SPAG16: variants seen among roughly 807,000 people sequenced by gnomAD.
SPAG16 encodes the protein sperm-associated antigen 16 protein.
Under a neutral mutation model 80.4 loss-of-function variants are expected in SPAG16, and 86 were observed. The ratio of observed to expected loss-of-function variants is 1.07; its 90% CI spans 0.90 to 1.28. The LOEUF (loss-of-function observed/expected upper bound fraction) is 1.28, where lower values mean the gene tolerates loss of function less well. Among genes scored for constraint, SPAG16 ranks in the 50% most tolerant of loss-of-function variants. SPAG16 has a pLI of 0.00. For missense variants in SPAG16, 870 were observed against 765.3 expected, an observed-to-expected ratio of 1.14 and a Z score of -1.61; for synonymous variants, 294 against 265.9, an observed-to-expected ratio of 1.11 and a Z score of -1.03.
At chr2:214,334,682 TA>T (rs1697156381) in intron 15 of SPAG16, among the ~76,000 whole-genome samples, 1 of 152,244 alleles carries the variant, frequency 6.6e-6, no homozygotes. Flanking sequence ...AGAGTCCTTC[TA>T]ATGGCTATTT....
chr2:214,175,355 G>T (rs1385628790), intron 15 of SPAG16, among the ~76,000 whole-genome samples: 1 of 147,830 alleles, frequency 6.8e-6, no homozygotes, highest in Non-Finnish European at 1.5e-5. Context: ...ATGAATCAGA[G>T]AAATTCTGTG....
intron 10 of SPAG16, among the ~76,000 whole-genome samples, chr2:213,735,247 C>G (rs2067231418): frequency 6.6e-6 from 1 of 152,114 alleles, no homozygotes; most frequent in South Asian, 2.1e-4. Context: ...GGTTAGTATT[C>G]TGGAGCAACT....
At chr2:213,470,107 A>G (rs1345512774) in intron 9 of SPAG16, among the ~76,000 whole-genome samples, 2 of 152,182 alleles carry the variant, frequency 1.3e-5, no homozygotes, top group Non-Finnish European at 2.9e-5. Context: ...ACAGTACCAT[A>G]TATTGGATGC....
In SPAG16 at chr2:213,637,037, T is replaced by C. The variant is rs188354148; in HGVS notation, c.1070+146947T>C. On this transcript the variant is annotated intron_variant, in intron 10 of 15. Transcript: ENST00000331683. Reference sequence around the variant, plus strand: ...GGGCATCCTTGTCATGTTCCAGTTCTCAGGGGGAATGCTTTCAACATTTCC... The same window carrying C: ...GGGCATCCTTGTCATGTTCCAGTTCCCAGGGGGAATGCTTTCAACATTTCC... 6.3e-3 allele frequency among the ~76,000 whole-genome samples: 958 copies of C among 152,340 alleles called. 10 individuals are homozygous for C. Among genetic ancestry groups the C allele is most frequent in the Non-Finnish European group, 7.9e-3 (538 of 68,032 alleles).
At chr2:213,881,204 T>C (rs1489529524) in intron 11 of SPAG16, among the ~76,000 whole-genome samples, 1 of 152,196 alleles carries the variant, frequency 6.6e-6, no homozygotes. Flanking sequence ...TTTTCCTAAG[T>C]ATTTCATTTT....
chr2:214,256,141 C>T (rs1169833593), intron 15 of SPAG16, among the ~76,000 whole-genome samples: 1 of 151,934 alleles, frequency 6.6e-6, no homozygotes, highest in Non-Finnish European at 1.5e-5. Context: ...TTTAGCTATT[C>T]TGGAGTGTGA....
At chr2:213,487,465 C>T (rs750181617) in intron 9 of SPAG16, among the ~76,000 whole-genome samples, 2 of 152,004 alleles carry the variant, frequency 1.3e-5, no homozygotes, top group African/African-American at 4.8e-5. Flanking sequence ...TCCTGCCTAC[C>T]CATGTATTGG....
rs974422016 is a variant in SPAG16, at chr2:213,346,708, C to T, written c.645-3820C>T. 3.9e-4 allele frequency among the ~76,000 whole-genome samples: 60 copies of T among 152,284 alleles called. No homozygotes were observed. The East Asian group carries it at 5.8e-3, about 15-fold the overall frequency. ...TATTGATTTGCATATGTTGAACCAG[C>T]CTTGCATCCCAGGGATGAAGCCCAC... On this transcript the variant is annotated intron_variant, in intron 6 of 15. Transcript: ENST00000331683.
intron 15 of SPAG16, among the ~76,000 whole-genome samples, chr2:214,340,093 C>A (rs1272689630): frequency 6.6e-6 from 1 of 152,114 alleles, no homozygotes; most frequent in Admixed American, 6.5e-5. Flanking sequence ...ATTCTACATG[C>A]AAGGGAGGGA....
intron 5 of SPAG16, chr2:213,318,103 C>T (rs1365560381): frequency 6.6e-6 from 1 of 151,978 alleles, no homozygotes; most frequent in Non-Finnish European, 1.5e-5. Flanking sequence ...AATAGCTGTT[C>T]TGACTGGTGT....
At chr2:213,618,927 A>G (rs1024681358) in intron 10 of SPAG16, among the ~76,000 whole-genome samples, 17 of 152,268 alleles carry the variant, frequency 1.1e-4, no homozygotes, top group African/African-American at 4.1e-4. Flanking sequence ...TCTCTTAATA[A>G]CTAGTTATAC....
intron 14 of SPAG16, among the ~76,000 whole-genome samples, chr2:214,110,290 GC>G (rs1417788213): frequency 7.2e-6 from 1 of 139,322 alleles, no homozygotes; most frequent in Non-Finnish European, 1.5e-5. Flanking sequence ...CCCTCCCCCA[GC>G]CCCCACCCCT....
In SPAG16 at chr2:213,478,464, ATTT is replaced by A. The variant is rs2073551730; in HGVS notation, c.943-11496_943-11494del. ...CTGTAATGTCATAAATAGGAGTACT[ATTT>A]TTGTACTAATAGAAAATTTTTAAGT... is the stretch of plus-strand genomic sequence containing the variant. On this transcript the variant is annotated intron_variant, in intron 9 of 15. Coordinates refer to ENST00000331683, the MANE Select transcript of SPAG16 (RefSeq NM_024532.5). Among the ~76,000 whole-genome samples the A allele has an allele frequency of 2.0e-5, 3 of 152,290 alleles. No homozygotes were observed. In the South Asian group the frequency reaches 6.2e-4, roughly 32 times the overall value.
At chr2:213,495,688 A>T (rs1243220949) in intron 10 of SPAG16, among the ~76,000 whole-genome samples, 2 of 152,174 alleles carry the variant, frequency 1.3e-5, no homozygotes, top group African/African-American at 4.8e-5. Context: ...GTGTAGGATG[A>T]ATTCAGTTTT....
At chr2:213,779,279 T>C (rs1312566783) in intron 10 of SPAG16, among the ~76,000 whole-genome samples, 1 of 152,220 alleles carries the variant, frequency 6.6e-6, no homozygotes, top group Non-Finnish European at 1.5e-5. Context: ...ACAGTAGTAG[T>C]ATAATCAAAC....
intron 15 of SPAG16, among the ~76,000 whole-genome samples, chr2:214,381,584 G>C (rs1028402412): frequency 4.6e-5 from 7 of 152,178 alleles, no homozygotes; most frequent in Non-Finnish European, 8.8e-5. Flanking sequence ...CTGCAAAATT[G>C]TTGATGCATT....
intron 10 of SPAG16, among the ~76,000 whole-genome samples, chr2:213,583,803 A>T (rs1054329757): frequency 1.3e-5 from 2 of 152,194 alleles, no homozygotes; most frequent in Non-Finnish European, 2.9e-5. Context: ...AATGAAAGAC[A>T]ATTTTGTTGG....
At chr2:213,310,258 G>T (rs1203177254) in intron 4 of SPAG16, 81 bp downstream of exon 4, 16 of 896,358 alleles carry the variant, frequency 1.8e-5, no homozygotes, top group Non-Finnish European at 2.6e-5. Flanking sequence ...AGGAGACTTT[G>T]AAATGACTCA....
chr2:213,302,936 C>T (rs548634773), intron 3 of SPAG16, among the ~76,000 whole-genome samples: 10 of 152,110 alleles, frequency 6.6e-5, no homozygotes, highest in African/African-American at 2.4e-4. Context: ...ATAGATACAC[C>T]CTCCTGCTGT....
Sources: gnomAD v4.1 joint callset for allele counts (sites outside exome capture counted in the v4.1 genomes callset) on GRCh38, gnomAD v4.1.1 for gene constraint, MANE v1.5 for transcripts, NCBI Gene and HGNC (gene_info 2026-07-23, HGNC 2026-07-21) for gene names.